PDXK: variants seen among roughly 807,000 people sequenced by gnomAD.
PDXK encodes the protein pyridoxal kinase.
A neutral mutation model predicts 43.2 loss-of-function variants in PDXK; 15 were observed. The ratio of observed to expected loss-of-function variants is 0.35; its 90% CI spans 0.23 to 0.53. The LOEUF (loss-of-function observed/expected upper bound fraction) is 0.53. PDXK is among the 20% of genes least tolerant of loss of function. PDXK has a pLI of 0.92. For missense variants in PDXK, 343 were observed against 417.0 expected, an observed-to-expected ratio of 0.82 and a Z score of 1.54; for synonymous variants, 172 against 165.4, an observed-to-expected ratio of 1.04 and a Z score of -0.31.
intron 8 of PDXK, 55 bp from the exon 9 acceptor site, chr21:43,753,528 G>A (rs1035822699): frequency 4.5e-6 from 7 of 1,564,250 alleles, no homozygotes; most frequent in Non-Finnish European, 5.2e-6. Flanking sequence ...ATGGGAGGCT[G>A]GCCCTGGCAG....
intron 4 of PDXK, 33 bp from the exon 5 acceptor site, chr21:43,746,046 C>G (rs2083633335): frequency 6.4e-7 from 1 of 1,572,726 alleles, no homozygotes; most frequent in Non-Finnish European, 8.8e-7. Flanking sequence ...CAGCTGTAGC[C>G]TTTGCTGATA....
At chr21:43,753,782 A>T in intron 9 of PDXK, 63 bp downstream of exon 9, 3 of 1,521,004 alleles carry the variant, frequency 2.0e-6, no homozygotes, top group Non-Finnish European at 2.7e-6. Flanking sequence ...GGAGCAGGAT[A>T]TGAGAGTCCT....
rs2083363469 is a variant in PDXK at position 43,734,004 on chromosome 21, G to C, written c.88-65G>C. ...ACTCCCCTCTTCTGAGTCAGCACCT[G>C]CTGGGGTTCGTGGGACCCCAGACCT... On this transcript the variant is annotated intron_variant, in intron 1 of 10. Transcript: ENST00000291565. This position sits in a 1 kb window ranked among gnomAD's most constrained non-coding sequence, Gnocchi z 5.0. 1 of 1,513,598 alleles carries C rather than the reference G, an allele frequency of 6.6e-7. No homozygotes were observed. Among genetic ancestry groups the C allele is most frequent in the South Asian group, 1.1e-5 (1 of 88,908 alleles). 93.8% of individuals were successfully genotyped at this position (1,513,598 alleles called of 1,614,324 possible). A position where few individuals can be genotyped will look rare whatever the true frequency, so the allele number is the denominator to read the frequency against.
At chr21:43,731,642 G>C (rs914747752) in intron 1 of PDXK, among the ~76,000 whole-genome samples, 1 of 151,056 alleles carries the variant, frequency 6.6e-6, no homozygotes, top group Non-Finnish European at 1.5e-5. Context: ...GAGGAGCTCC[G>C]GGTGGGAGGT....
chr21:43,748,430 T>C (rs1042689511), intron 5 of PDXK: 2 of 152,300 alleles, frequency 1.3e-5, no homozygotes, highest in Non-Finnish European at 2.9e-5. Flanking sequence ...GAGGTCGCAG[T>C]GAGCCAAGAC....
chr21:43,752,491 G>A (rs763836944), intron 7 of PDXK, 27 bp from the exon 8 acceptor site: 1 of 1,503,234 alleles, frequency 6.7e-7, no homozygotes, highest in South Asian at 1.1e-5. Context: ...GACCGGCCGT[G>A]GCTGACGCTC....
At chr21:43,748,867 C>T (rs985137244) in intron 5 of PDXK, 128 bp from the exon 6 acceptor site, 2 of 657,468 alleles carry the variant, frequency 3.0e-6, no homozygotes, top group Non-Finnish European at 2.7e-6. Flanking sequence ...AGTCGGGGGG[C>T]CTGGCCCCTG....
rs1005140207 is a variant in PDXK, at chr21:43,739,660, G to C, written c.143-2007G>C. ...TCACTATCATGAGAACAAGATGGGG[G>C]AACCACCCCCATGATTGAATGACCT... On this transcript the variant is annotated intron_variant, in intron 2 of 10. Transcript: ENST00000291565. Among the ~76,000 whole-genome samples, 4 of 151,568 alleles carry C rather than the reference G, an allele frequency of 2.6e-5. 1 individual carries two copies. Among genetic ancestry groups the C allele is most frequent in the Non-Finnish European group, 5.9e-5 (4 of 67,788 alleles).
rs1467009294 is a variant in PDXK, at chr21:43,737,904, G to C, written c.143-3763G>C. The C allele has an allele frequency of 2.0e-6, 2 of 985,416 alleles. No individual in the cohort carries two copies. The highest frequency in any genetic ancestry group is 3.5e-5 in the African/African-American group (2 of 57,266). 61.0% of individuals were successfully genotyped at this position (985,416 alleles called of 1,614,324 possible). On this transcript the variant is annotated intron_variant, in intron 2 of 10. Transcript: ENST00000291565. The surrounding 1 kb of genome is among the most constrained non-coding windows in gnomAD (Gnocchi z 4.8). ...CCCTCCCCTGTTGGAGAAGGTTCTT[G>C]TGGGCTCTGGGCCCATCCCACATCC...
At position 43,754,730 on chromosome 21, in the gene PDXK, T is replaced by G. The variant is rs1033770589; in HGVS notation, c.760-968T>G. Reference sequence around the variant, plus strand: ...GAAGACAGGACACCTCTGTCACTATTGGGTGCGCTGGGGAAGGAAGAGTTC... The same window carrying G: ...GAAGACAGGACACCTCTGTCACTATGGGGTGCGCTGGGGAAGGAAGAGTTC... On this transcript the variant is annotated intron_variant, in intron 9 of 10. Coordinates refer to ENST00000291565, the MANE Select transcript of PDXK (RefSeq NM_003681.5). This position sits in a 1 kb window ranked among gnomAD's most constrained non-coding sequence, Gnocchi z 5.5. Among the ~76,000 whole-genome samples, 1 of 152,032 alleles carries G rather than the reference T, an allele frequency of 6.6e-6. No individual in the cohort carries two copies. The highest frequency in any genetic ancestry group is 2.4e-5 in the African/African-American group (1 of 41,398).
At position 43,741,465 on chromosome 21, in the gene PDXK, G is replaced by A. The variant is rs76459079; in HGVS notation, c.143-202G>A. The stretch of plus-strand genomic sequence containing the variant: ...GCGGGGGGGCTCGCGGGGGGCTCGC[G>A]GGGGGCTCGAGGCGTCCCATGTGGG... On this transcript the variant is annotated intron_variant, in intron 2 of 10. Transcript: ENST00000291565. 5,985 of 1,088,990 alleles carry A rather than the reference G, an allele frequency of 5.5e-3. 1,246 individuals are homozygous for A. The African/African-American group carries it at 0.21, about 38-fold the overall frequency. The allele number at this position is 1,088,990 out of a possible 1,614,324, so 67.5% of individuals were successfully genotyped here.
chr21:43,753,735 C>T lies in PDXK; in HGVS notation c.759+16C>T, dbSNP rs376453520. ...TAACCTCAAGGTCAGCCACACGCAC[C>T]GCTCCCCTCCTCGCCCACTCCCACG... On this transcript the variant is annotated intron_variant, in intron 9 of 10. Transcript: ENST00000291565. 3.7e-5 allele frequency: 59 copies of T among 1,602,064 alleles called. No individual in the cohort carries two copies. The highest frequency in any genetic ancestry group is 5.3e-5 in the African/African-American group (4 of 74,810).
intron 1 of PDXK, 46 bp downstream of exon 1, chr21:43,719,427 A>G: frequency 6.7e-7 from 1 of 1,481,884 alleles, no homozygotes; most frequent in Non-Finnish European, 9.1e-7. Context: ...CGAGCCCGTG[A>G]CCTTGGCGGG....
chr21:43,719,647 A>G (rs533006459), intron 1 of PDXK: 1 of 985,240 alleles, frequency 1.0e-6, no homozygotes, highest in African/African-American at 1.7e-5. Flanking sequence ...CCTGTGCACC[A>G]GCTATGGCGC....
chr21:43,736,048 G>A (rs1156323048), intron 2 of PDXK, among the ~76,000 whole-genome samples: 1 of 152,204 alleles, frequency 6.6e-6, no homozygotes, highest in Non-Finnish European at 1.5e-5. Flanking sequence ...TGAGTGCGGT[G>A]CCCACGATGA....
At chr21:43,751,213 G>T (rs1050598450) in intron 7 of PDXK, among the ~76,000 whole-genome samples, 6 of 152,126 alleles carry the variant, frequency 3.9e-5, no homozygotes, top group Non-Finnish European at 7.3e-5. Context: ...AGTCTGTTGG[G>T]GCTGCTGTGA....
chr21:43,729,550 C>T (rs1160069655), intron 1 of PDXK, among the ~76,000 whole-genome samples: 1 of 152,184 alleles, frequency 6.6e-6, no homozygotes, highest in Non-Finnish European at 1.5e-5. Context: ...GTCTGAGCTG[C>T]ATCCTGTGGG....
chr21:43,755,585 G>A, intron 9 of PDXK, 113 bp from the exon 10 acceptor site: 2 of 896,308 alleles, frequency 2.2e-6, no homozygotes, highest in Admixed American at 3.5e-5. Context: ...GCTCCCCGGT[G>A]GCTCGGAGAG....
At chr21:43,738,174 A>G (rs1187378960) in intron 2 of PDXK, 1 of 395,744 alleles carries the variant, frequency 2.5e-6, no homozygotes, top group Non-Finnish European at 3.4e-6. Context: ...GCAGGTTAAA[A>G]GAGGCCATCA....
Sources: allele counts gnomAD v4.1 joint callset (sites outside exome capture counted in the v4.1 genomes callset), GRCh38; gene constraint gnomAD v4.1.1; non-coding constraint Gnocchi (gnomAD v3.1); transcripts MANE v1.5; gene names NCBI Gene and HGNC (gene_info 2026-07-23, HGNC 2026-07-21).